Variants in CLASP1 observed in about 807,000 individuals in gnomAD.
The protein encoded by CLASP1 is CLIP-associating protein 1.
CLASP1 carries 38 observed loss-of-function variants against 192.3 expected under a neutral mutation model. That is an observed-to-expected ratio of 0.20 (90% confidence interval 0.15 to 0.26). CLASP1 has a LOEUF of 0.26. Ranked by LOEUF, CLASP1 falls within the 10% of genes least tolerant of loss-of-function variation. The pLI is 1.00. For missense variants in CLASP1, 1,433 were observed against 1,932.5 expected, an observed-to-expected ratio of 0.74 and a Z score of 4.85; for synonymous variants, 691 against 712.8, an observed-to-expected ratio of 0.97 and a Z score of 0.49.
chr2:121,563,458 C>A (rs2059261593), intron 2 of CLASP1, among the ~76,000 whole-genome samples: 1 of 152,170 alleles, frequency 6.6e-6, no homozygotes, highest in Admixed American at 6.5e-5. Flanking sequence ...CTCATGCTTT[C>A]AAACATACCA....
intron 14 of CLASP1, among the ~76,000 whole-genome samples, chr2:121,454,663 C>T (rs1246361534): frequency 6.6e-6 from 1 of 152,214 alleles, no homozygotes; most frequent in Admixed American, 6.5e-5. Flanking sequence ...AGAAATAAAT[C>T]TGTTGTTCAT....
At chr2:121,578,036 G>C (rs530739688) in intron 2 of CLASP1, among the ~76,000 whole-genome samples, 1 of 152,078 alleles carries the variant, frequency 6.6e-6, no homozygotes, top group South Asian at 2.1e-4. Flanking sequence ...GGGCTCAAGC[G>C]ATCCTCCCAC....
intron 8 of CLASP1, among the ~76,000 whole-genome samples, chr2:121,474,875 A>C (rs2091404001): frequency 6.6e-6 from 1 of 152,184 alleles, no homozygotes; most frequent in Non-Finnish European, 1.5e-5. Context: ...TTTCCTAAGC[A>C]GATTAGAAGC....
chr2:121,568,332 G>A (rs2059688894), intron 2 of CLASP1, among the ~76,000 whole-genome samples: 1 of 151,964 alleles, frequency 6.6e-6, no homozygotes, highest in Admixed American at 6.6e-5. Flanking sequence ...GACCAGAGAG[G>A]GGTGGTCAGT....
chr2:121,626,841 T>A (rs2068466829), intron 1 of CLASP1, among the ~76,000 whole-genome samples: 1 of 152,194 alleles, frequency 6.6e-6, no homozygotes, highest in African/African-American at 2.4e-5. Flanking sequence ...TAGACACACG[T>A]ATCATTTAGG....
intron 20 of CLASP1, 147 bp downstream of exon 20, chr2:121,429,926 A>C (rs1559155283): frequency 1.6e-6 from 1 of 608,512 alleles, no homozygotes; most frequent in Non-Finnish European, 2.9e-6. Context: ...CTTACCCAAC[A>C]AACAGTAAGA....
Position 121,407,595 on chromosome 2 carries a change from G to C in CLASP1, c.2545C>G (p.His849Asp), listed in dbSNP as rs1232933431. ...ACATCCTCAGTCTGCCGCAGATAATGGGGAATGCCACCATTCCTGGAGCCA... is the reference window on the plus strand; with the variant it reads ...ACATCCTCAGTCTGCCGCAGATAATCGGGAATGCCACCATTCCTGGAGCCA... The change falls in exon 25 of 40, where the codon CAT (histidine) becomes GAT (aspartate). Residue 849 changes from histidine (H) to aspartate (D), a missense_variant. By Grantham distance (81) the His-to-Asp change is moderately conservative. This residue lies in a region of CLASP1 where 445 missense variants were observed against 535.5 expected (regional missense o/e 0.83). Transcript: ENST00000263710. 1 of 1,613,848 alleles carries C rather than the reference G, an allele frequency of 6.2e-7. No individual in the cohort carries two copies. The highest frequency in any genetic ancestry group is 1.3e-5 in the African/African-American group (1 of 74,906).
At chr2:121,426,738 T>C (rs1047134941) in intron 21 of CLASP1, among the ~76,000 whole-genome samples, 4 of 152,190 alleles carry the variant, frequency 2.6e-5, no homozygotes, top group African/African-American at 9.6e-5. Flanking sequence ...ACAAATAATA[T>C]GGCTGATAAT....
intron 8 of CLASP1, among the ~76,000 whole-genome samples, chr2:121,487,272 A>G (rs993388016): frequency 6.6e-6 from 1 of 151,948 alleles, no homozygotes; most frequent in East Asian, 1.9e-4. Flanking sequence ...TCTCAGGTAG[A>G]TCTGTATTAC....
At chr2:121,449,843 T>C (rs2085080870) in intron 16 of CLASP1, among the ~76,000 whole-genome samples, 1 of 152,212 alleles carries the variant, frequency 6.6e-6, no homozygotes, top group Non-Finnish European at 1.5e-5. Flanking sequence ...GATGTATTAA[T>C]GCAGCTAAGT....
chr2:121,493,722 T>C (rs1575444193), intron 8 of CLASP1, among the ~76,000 whole-genome samples: 1 of 150,922 alleles, frequency 6.6e-6, no homozygotes, highest in African/African-American at 2.5e-5. Flanking sequence ...CCAGAATATA[T>C]GAGGAGCTCA....
intron 2 of CLASP1, among the ~76,000 whole-genome samples, chr2:121,572,256 G>A (rs546702670): frequency 7.1e-4 from 108 of 152,116 alleles, no homozygotes; most frequent in African/African-American, 2.6e-3. Context: ...GTGAAACCCC[G>A]TCTCTACTAA....
chr2:121,385,981 G>C (rs1434237538), intron 32 of CLASP1, among the ~76,000 whole-genome samples: 1 of 152,182 alleles, frequency 6.6e-6, no homozygotes, highest in African/African-American at 2.4e-5. Context: ...ATATAGTGCA[G>C]AGGGAAACTT....
intron 33 of CLASP1, among the ~76,000 whole-genome samples, chr2:121,378,850 A>G (rs1217354359): frequency 6.6e-6 from 1 of 152,194 alleles, no homozygotes; most frequent in Admixed American, 6.5e-5. Flanking sequence ...GTAACTGAAG[A>G]AACGAAGTAT....
chr2:121,536,243 T>C lies in CLASP1; in HGVS notation c.196-5918A>G, dbSNP rs546769191. On this transcript the variant is annotated intron_variant, in intron 2 of 39. Coordinates refer to ENST00000263710, the Ensembl canonical transcript of CLASP1. ...AAAAATACAAAAAATTAGCCGGGCGTTGTGACGGGCACCTGTAGTCCCAGC... is the reference window on the plus strand; with the variant it reads ...AAAAATACAAAAAATTAGCCGGGCGCTGTGACGGGCACCTGTAGTCCCAGC... 4.0e-4 allele frequency among the ~76,000 whole-genome samples: 60 copies of C among 151,512 alleles called. 1 individual carries two copies. The East Asian group carries it at 0.011, about 28-fold the overall frequency.
chr2:121,536,611 G>C (rs1012047051), intron 2 of CLASP1, among the ~76,000 whole-genome samples: 5 of 151,490 alleles, frequency 3.3e-5, no homozygotes, highest in Non-Finnish European at 5.9e-5. Flanking sequence ...CCATACAATG[G>C]AACTTTAGGC....
intron 1 of CLASP1, among the ~76,000 whole-genome samples, chr2:121,632,339 C>T (rs1010970562): frequency 6.6e-6 from 1 of 152,156 alleles, no homozygotes; most frequent in South Asian, 2.1e-4. Context: ...TGTTAAGGCA[C>T]GTAACTTTTA....
chr2:121,433,549 G>GT (rs2081824069), intron 19 of CLASP1, among the ~76,000 whole-genome samples: 1 of 152,212 alleles, frequency 6.6e-6, no homozygotes, highest in South Asian at 2.1e-4. Context: ...GAGGACAAGA[G>GT]TTTGACACCA....
At chr2:121,516,272 A>G (rs903578320) in intron 6 of CLASP1, among the ~76,000 whole-genome samples, 1 of 152,248 alleles carries the variant, frequency 6.6e-6, no homozygotes, top group Non-Finnish European at 1.5e-5. Context: ...ATTACAGGGC[A>G]TGATGGAATA....
Sources: allele counts gnomAD v4.1 joint callset (sites outside exome capture counted in the v4.1 genomes callset), GRCh38; gene constraint gnomAD v4.1.1; regional missense constraint gnomAD v4.1.1; transcripts MANE v1.5; gene names NCBI Gene and HGNC (gene_info 2026-07-23, HGNC 2026-07-21).